The following SETX variants were observed in gnomAD, a reference collection of about 807,000 sequenced individuals.
The protein encoded by SETX is helicase senataxin.
Under a neutral mutation model 227.2 loss-of-function variants are expected in SETX, and 90 were observed. The ratio of observed to expected loss-of-function variants is 0.40; its 90% CI spans 0.33 to 0.47. The LOEUF (loss-of-function observed/expected upper bound fraction) is 0.47, where lower values mean the gene tolerates loss of function less well. Ranked by LOEUF, SETX falls within the 20% of genes least tolerant of loss-of-function variation. SETX has a pLI of 0.91. For synonymous variants in SETX, 1,210 were observed against 1,113.2 expected (o/e 1.09, Z -1.73); for missense variants, 3,052 against 3,181.5 (o/e 0.96, Z 0.98).
intron 4 of SETX, among the ~76,000 whole-genome samples, chr9:132,344,581 A>T (rs1446356127): frequency 6.6e-6 from 1 of 152,228 alleles, no homozygotes; most frequent in Admixed American, 6.5e-5. Context: ...AGATTTTAGT[A>T]TCGTTATTTT....
chr9:132,278,679 A>G (rs1034219569), intron 20 of SETX, among the ~76,000 whole-genome samples: 1 of 152,112 alleles, frequency 6.6e-6, no homozygotes, highest in Non-Finnish European at 1.5e-5. Context: ...ACTGCTAATG[A>G]AAGAGATATG....
intron 25 of SETX, 52 bp downstream of exon 25, chr9:132,269,563 T>G: frequency 6.2e-7 from 1 of 1,611,286 alleles, no homozygotes; most frequent in Non-Finnish European, 8.5e-7. Flanking sequence ...GAACAAAAAC[T>G]CAATCCAACA....
chr9:132,292,456 A>C (rs1589659699), intron 15 of SETX, among the ~76,000 whole-genome samples: 1 of 150,616 alleles, frequency 6.6e-6, no homozygotes, highest in East Asian at 1.9e-4. Context: ...GATTAGACTT[A>C]TAATCATTAA....
intron 25 of SETX, 58 bp from the exon 26 acceptor site, chr9:132,265,043 CAT>C (rs1416645031): frequency 6.3e-7 from 1 of 1,584,024 alleles, no homozygotes; most frequent in African/African-American, 1.3e-5. Flanking sequence ...GCTTGGGAAG[CAT>C]AGAGTTCCAG....
chr9:132,354,282 G>C (rs1848765655), intron 1 of SETX, among the ~76,000 whole-genome samples: 1 of 152,048 alleles, frequency 6.6e-6, no homozygotes, highest in Admixed American at 6.5e-5. Context: ...AGGATCCCTG[G>C]AGCAGCTGAG....
intron 23 of SETX, among the ~76,000 whole-genome samples, chr9:132,273,967 A>G (rs1843023887): frequency 8.2e-6 from 1 of 121,564 alleles, no homozygotes; most frequent in Non-Finnish European, 1.6e-5. Flanking sequence ...GTTCCTTTGT[A>G]TTCTTTTTTT....
At chr9:132,267,901 G>A (rs1842724238) in intron 25 of SETX, among the ~76,000 whole-genome samples, 1 of 152,116 alleles carries the variant, frequency 6.6e-6, no homozygotes, top group East Asian at 1.9e-4. Flanking sequence ...TCAACACCAT[G>A]AGGTGCCAAC....
chr9:132,349,110 AAAAAC>A, intron 3 of SETX, 137 bp downstream of exon 3: 1 of 854,748 alleles, frequency 1.2e-6, no homozygotes, highest in Non-Finnish European at 1.8e-6. Context: ...TAACAACAAC[AAAAAC>A]AAAACAAAAA....
At chr9:132,276,802 A>G (rs1205983064) in intron 22 of SETX, among the ~76,000 whole-genome samples, 5 of 152,124 alleles carry the variant, frequency 3.3e-5, no homozygotes, top group Admixed American at 3.3e-4. Context: ...TTCCCATGAG[A>G]CCACCATCTT....
intron 15 of SETX, among the ~76,000 whole-genome samples, chr9:132,290,574 C>CAAA (rs59954158): frequency 0.12 from 5,197 of 44,638 alleles, 551 homozygotes; most frequent in East Asian, 0.21. Context: ...GACTCCGTCT[C>CAAA]AAAAAAAAAA....
At chr9:132,318,771 T>A (rs1393891484) in intron 10 of SETX, among the ~76,000 whole-genome samples, 1 of 152,072 alleles carries the variant, frequency 6.6e-6, no homozygotes, top group African/African-American at 2.4e-5. Flanking sequence ...TAGTTCCAAC[T>A]TTTCTGCCCT....
At chr9:132,292,388 C>A (rs1186142676) in intron 15 of SETX, among the ~76,000 whole-genome samples, 2 of 120,856 alleles carry the variant, frequency 1.7e-5, no homozygotes, top group Admixed American at 1.1e-4. Flanking sequence ...ATGATCATGC[C>A]AATGTACCCC....
At chr9:132,271,945 C>T (rs1310677830) in intron 23 of SETX, 137 bp from the exon 24 acceptor site, 6 of 630,794 alleles carry the variant, frequency 9.5e-6, no homozygotes, top group African/African-American at 5.7e-5. Flanking sequence ...TGCAGTGGCG[C>T]GATCTCAGTT....
chr9:132,292,798 T>A (rs1844419124), intron 15 of SETX, among the ~76,000 whole-genome samples: 1 of 152,060 alleles, frequency 6.6e-6, no homozygotes, highest in Non-Finnish European at 1.5e-5. Context: ...CCACCACACC[T>A]GGCTAATTTT....
chr9:132,318,591 C>T (rs1213983910), intron 10 of SETX, among the ~76,000 whole-genome samples: 1 of 152,182 alleles, frequency 6.6e-6, no homozygotes. Context: ...TACCCTGATA[C>T]TTACCTTTCT....
intron 10 of SETX, among the ~76,000 whole-genome samples, chr9:132,314,134 C>T (rs1478338182): frequency 6.6e-6 from 1 of 152,054 alleles, no homozygotes; most frequent in African/African-American, 2.4e-5. Flanking sequence ...GTCTTGTTGC[C>T]CAGGCGGGAG....
chr9:132,298,093 G>A lies in SETX; in HGVS notation c.5768C>T (p.Thr1923Ile). The A allele has an allele frequency of 1.2e-6, 2 of 1,612,616 alleles. No individual in the cohort carries two copies. The highest frequency in any genetic ancestry group is 2.2e-5 in the South Asian group (2 of 91,056). ...DFCTKDLLTT[T>I]SERIIAYLRD... is the part of the protein sequence containing the mutation. ...ATCATCACTCACAATTCTCTCAGAT[G>A]TTGTAGTCAGTAAATCTTTTGTACA... Residue 1923 changes from threonine (T) to isoleucine (I), a missense_variant, in exon 13 of 26, where the codon ACA (threonine) becomes ATA (isoleucine). This residue lies in a region of SETX where 239 missense variants were observed against 272.1 expected (regional missense o/e 0.88). Coordinates refer to ENST00000224140, the MANE Select transcript of SETX (RefSeq NM_015046.7).
At position 132,264,477 on chromosome 9, in the gene SETX, C is replaced by T. The variant is rs1336167568; in HGVS notation, c.7796G>A (p.Ser2599Asn). The T allele has an allele frequency of 6.2e-7, 1 of 1,613,650 alleles. No individual in the cohort carries two copies. Among genetic ancestry groups the T allele is most frequent in the South Asian group, 1.1e-5 (1 of 91,072 alleles). The change falls in exon 26 of 26, where the codon AGC (serine) becomes AAC (asparagine). Residue 2599 changes from serine to asparagine, a missense_variant. Ser to Asn is a conservative substitution (Grantham distance 46). Transcript: ENST00000224140. ...TTCGCCCCGCACGGGAGGTTTGTGG[C>T]TGCTCAGAGCAGCCACTACAGCAGC... ...QPAAVVAALS[S>N]HKPPVRGEPP...
At chr9:132,278,037 A>G (rs1843264678) in intron 21 of SETX, 33 bp downstream of exon 21, 1 of 1,595,898 alleles carries the variant, frequency 6.3e-7, no homozygotes, top group South Asian at 1.1e-5. Context: ...AAACTACAAC[A>G]AAATAAGGTC....
Sources: gnomAD v4.1 joint callset for allele counts (sites outside exome capture counted in the v4.1 genomes callset) on GRCh38, gnomAD v4.1.1 for gene constraint, gnomAD v4.1.1 regional missense constraint, MANE v1.5 for transcripts, NCBI Gene and HGNC (gene_info 2026-07-23, HGNC 2026-07-21) for gene names.